STARD4: variants seen among roughly 807,000 people sequenced by gnomAD.
The protein encoded by STARD4 is stAR-related lipid transfer protein 4.
STARD4 carries 33 observed loss-of-function variants against 24.9 expected under a neutral mutation model. That is an observed-to-expected ratio of 1.32 (90% CI 1.00 to 1.77). The LOEUF (loss-of-function observed/expected upper bound fraction) is 1.77, where lower values mean the gene tolerates loss of function less well. Among genes scored for constraint, STARD4 ranks in the 40% most tolerant of loss-of-function variants. The pLI, the probability that STARD4 is intolerant of heterozygous loss-of-function variation, is 0.00. For synonymous variants in STARD4, 88 were observed against 77.4 expected (o/e 1.14, Z -0.72); for missense variants, 238 against 249.3 (o/e 0.95, Z 0.31).
At chr5:111,504,168 A>G (rs1756672225) in intron 3 of STARD4, among the ~76,000 whole-genome samples, 1 of 152,214 alleles carries the variant, frequency 6.6e-6, no homozygotes, top group Non-Finnish European at 1.5e-5. Flanking sequence ...ATACATCCCT[A>G]AGACCCAAAG....
At chr5:111,506,147 T>C (rs1419091865) in intron 3 of STARD4, 183 bp downstream of exon 3, 2 of 298,286 alleles carry the variant, frequency 6.7e-6, no homozygotes, top group African/African-American at 2.4e-5. Context: ...CGAGCCGAGA[T>C]TGTGCCACCG....
intron 1 of STARD4, among the ~76,000 whole-genome samples, chr5:111,509,685 C>T (rs1401915875): frequency 6.6e-6 from 1 of 152,088 alleles, no homozygotes; most frequent in Non-Finnish European, 1.5e-5. Context: ...AATATTAATT[C>T]TCCTTACGTC....
At chr5:111,509,825 T>C (rs952671635) in intron 1 of STARD4, among the ~76,000 whole-genome samples, 1 of 152,168 alleles carries the variant, frequency 6.6e-6, no homozygotes, top group African/African-American at 2.4e-5. Context: ...AGCTTCTGAA[T>C]AACTAAAACT....
chr5:111,507,300 C>T lies in STARD4; in HGVS notation c.105+29G>A. 2 of 1,567,528 alleles carry T rather than the reference C, an allele frequency of 1.3e-6. No individual in the cohort carries two copies. The highest frequency in any genetic ancestry group is 1.7e-6 in the Non-Finnish European group (2 of 1,144,410). The stretch of plus-strand genomic sequence containing the variant: ...CCAATTCATTAGATAGAAGATATAC[C>T]CCAAATATAAGTAATTGAACTAATT... On this transcript the variant is annotated intron_variant, in intron 2 of 5. Coordinates refer to ENST00000296632, the MANE Select transcript of STARD4 (RefSeq NM_139164.3). This position sits in a 1 kb window ranked among gnomAD's most constrained non-coding sequence, Gnocchi z 4.4.
intron 3 of STARD4, among the ~76,000 whole-genome samples, chr5:111,503,866 A>C (rs1013723580): frequency 3.9e-5 from 6 of 152,160 alleles, no homozygotes; most frequent in African/African-American, 1.4e-4. Flanking sequence ...ACACATATAA[A>C]CAGAGAATTA....
intron 2 of STARD4, among the ~76,000 whole-genome samples, 175 bp from the exon 3 acceptor site, chr5:111,506,554 G>A (rs2112564753): frequency 6.6e-6 from 1 of 152,214 alleles, no homozygotes; most frequent in Admixed American, 6.5e-5. Flanking sequence ...AATTTCTTCT[G>A]TATCCTAAAG....
intron 3 of STARD4, among the ~76,000 whole-genome samples, chr5:111,502,580 G>C (rs1000181162): frequency 6.6e-6 from 1 of 151,706 alleles, no homozygotes; most frequent in Non-Finnish European, 1.5e-5. Flanking sequence ...GATCACCTGA[G>C]GTAGGGAGTT....
rs889830916 is a variant in STARD4 at position 111,498,651 on chromosome 5, G to T, written c.*1235C>A. 1 of 152,002 alleles carries T rather than the reference G, an allele frequency of 6.6e-6. No homozygotes were observed. The highest frequency in any genetic ancestry group is 2.4e-5 in the African/African-American group (1 of 41,400). 9.4% of individuals were successfully genotyped at this position (152,002 alleles called of 1,614,324 possible). ...TACATTCAATTTAGAAAAGGATCCT[G>T]GTAATTAATAAATCATTAAGAATAT... On this transcript the variant is annotated 3_prime_UTR_variant, in exon 6 of 6. Transcript: ENST00000296632.
chr5:111,500,642 A>T (rs1041072527), intron 5 of STARD4: 35 of 1,201,440 alleles, frequency 2.9e-5, no homozygotes, highest in Non-Finnish European at 3.5e-5. Context: ...GGAAGGAAGA[A>T]TATTCTAAGA....
intron 4 of STARD4, 36 bp from the exon 5 acceptor site, chr5:111,501,152 T>C (rs190607474): frequency 3.9e-6 from 6 of 1,555,594 alleles, no homozygotes; most frequent in East Asian, 4.5e-5. Context: ...GTTACTACTA[T>C]AGGAAACATA....
At chr5:111,508,474 C>T (rs1479293193) in intron 1 of STARD4, among the ~76,000 whole-genome samples, 4 of 152,118 alleles carry the variant, frequency 2.6e-5, no homozygotes, top group Admixed American at 2.6e-4. Flanking sequence ...CTCTATTCCT[C>T]CCATCTTCAG....
chr5:111,506,998 A>C (rs1756908893), intron 2 of STARD4, among the ~76,000 whole-genome samples: 1 of 152,198 alleles, frequency 6.6e-6, no homozygotes, highest in Admixed American at 6.5e-5. Flanking sequence ...ACCTGAAACT[A>C]TTCCAAACTC....
chr5:111,500,956 T>C, intron 5 of STARD4, 46 bp downstream of exon 5: 1 of 1,612,246 alleles, frequency 6.2e-7, no homozygotes, highest in Non-Finnish European at 8.5e-7. Context: ...AAAACACAAA[T>C]ATTTAAACCA....
intron 2 of STARD4, among the ~76,000 whole-genome samples, chr5:111,506,778 C>T (rs114953035): frequency 1.4e-4 from 22 of 152,262 alleles, no homozygotes; most frequent in Admixed American, 5.9e-4. Context: ...ACATTTATTA[C>T]GACAGTGTTA....
Position 111,499,971 on chromosome 5 carries a change from C to T in STARD4, c.533G>A (p.Arg178His), listed in dbSNP as rs753473500. ...TACCGCAGACTGAGGAATCATCCCA[C>T]GCAGATCTGTCTGAATATATCCTGT... ...LLTGYIQTDL[R>H]GMIPQSAVDT... The change falls in exon 6 of 6, where the codon CGT becomes CAT. Residue 178 changes from arginine to histidine, a missense_variant. Coordinates refer to ENST00000296632, the MANE Select transcript of STARD4 (RefSeq NM_139164.3). 49 of 1,614,138 alleles carry T rather than the reference C, an allele frequency of 3.0e-5. No homozygotes were observed. The Middle Eastern group carries it at 6.6e-4, about 22-fold the overall frequency.
rs528105472 is a variant in STARD4 at position 111,506,109 on chromosome 5, G to A, written c.155+221C>T. The A allele has an allele frequency of 1.1e-4, 27 of 256,250 alleles. No homozygotes were observed. The Admixed American group carries it at 1.3e-3, about 12-fold the overall frequency. 15.9% of individuals were successfully genotyped at this position (256,250 alleles called of 1,614,324 possible). On this transcript the variant is annotated intron_variant, in intron 3 of 5. Transcript: ENST00000296632. The stretch of plus-strand genomic sequence containing the variant: ...CTCGGGAGGCTGAGGCAGAAGAATC[G>A]CTTGAACCCGGGAGGCAGAGGTTGC...
At position 111,500,164 on chromosome 5, in the gene STARD4, A is replaced by G. The variant is rs1756328106; in HGVS notation, c.398-58T>C. On this transcript the variant is annotated intron_variant, in intron 5 of 5. Transcript: ENST00000296632. ...TAGCAATAACTGACATAAAACTCTC[A>G]TTTTAAAATATTACCAGAATTCTTA... The G allele has an allele frequency of 2.1e-6, 3 of 1,448,314 alleles. No individual in the cohort carries two copies. In the East Asian group the frequency reaches 7.5e-5, roughly 36 times the overall value. 89.7% of individuals were successfully genotyped at this position (1,448,314 alleles called of 1,614,324 possible). A position where few individuals can be genotyped will look rare whatever the true frequency, so the allele number is the denominator to read the frequency against.
intron 3 of STARD4, among the ~76,000 whole-genome samples, chr5:111,505,227 C>G (rs914980138): frequency 6.6e-6 from 1 of 152,174 alleles, no homozygotes; most frequent in Non-Finnish European, 1.5e-5. Context: ...CCTTGACACT[C>G]GTGATATTTT....
chr5:111,502,818 G>A (rs77859156), intron 3 of STARD4, among the ~76,000 whole-genome samples: 2 of 136,928 alleles, frequency 1.5e-5, no homozygotes, highest in East Asian at 4.3e-4. Flanking sequence ...AATAATGAAG[G>A]GTTTTTTTTT....
Sources: allele counts gnomAD v4.1 joint callset (sites outside exome capture counted in the v4.1 genomes callset), GRCh38; gene constraint gnomAD v4.1.1; non-coding constraint Gnocchi (gnomAD v3.1); transcripts MANE v1.5; gene names NCBI Gene and HGNC (gene_info 2026-07-23, HGNC 2026-07-21).